The following HAPLN3 variants were observed in gnomAD, a reference collection of about 807,000 sequenced individuals.
HAPLN3 encodes the protein hyaluronan and proteoglycan link protein 3.
A neutral mutation model predicts 28.1 loss-of-function variants in HAPLN3; 28 were observed. The observed-to-expected ratio is 1.00, with a 90% confidence interval of 0.74 to 1.37. The LOEUF (loss-of-function observed/expected upper bound fraction) is 1.37. Among genes scored for constraint, HAPLN3 ranks in the 40% most tolerant of loss-of-function variants. The probability of loss-of-function intolerance (pLI) is 0.00; values close to 1 mark genes in which losing one functional copy is unlikely to be tolerated. For missense variants in HAPLN3, 513 were observed against 504.6 expected, an observed-to-expected ratio of 1.02 and a Z score of -0.16; for synonymous variants, 211 against 213.1, an observed-to-expected ratio of 0.99 and a Z score of 0.09.
rs1052369618 is a variant in HAPLN3 at position 88,881,162 on chromosome 15, G to A, written c.493+195C>T. The stretch of plus-strand genomic sequence containing the variant: ...GTCGTTTACAAGCTGTGTGACCTTA[G>A]GTAAGTTACTTGACCTCTCTGTGCC... On this transcript the variant is annotated intron_variant, in intron 3 of 4. Transcript: ENST00000359595. This position sits in a 1 kb window ranked among gnomAD's most constrained non-coding sequence, Gnocchi z 6.0. The A allele has an allele frequency of 3.0e-6, 2 of 672,336 alleles. No individual in the cohort carries two copies. Among genetic ancestry groups the A allele is most frequent in the African/African-American group, 3.6e-5 (2 of 55,102 alleles). The allele number at this position is 672,336 out of a possible 1,614,324, so 41.6% of individuals were successfully genotyped here. A position where few individuals can be genotyped will look rare whatever the true frequency, so the allele number is the denominator to read the frequency against.
At position 88,881,958 on chromosome 15, in the gene HAPLN3, C is replaced by T. The variant is rs189042716; in HGVS notation, c.125-233G>A. On this transcript the variant is annotated intron_variant, in intron 2 of 4. Transcript: ENST00000359595. The surrounding 1 kb of genome is among the most constrained non-coding windows in gnomAD (Gnocchi z 6.0). ...GAATCTGTGCTGGCCTTGCCACTTG[C>T]TTGACCAACTGAATGCCTTGGAAGT... Among the ~76,000 whole-genome samples, 1 of 152,320 alleles carries T rather than the reference C, an allele frequency of 6.6e-6. No homozygotes were observed. Among genetic ancestry groups the T allele is most frequent in the Non-Finnish European group, 1.5e-5 (1 of 68,024 alleles).
In HAPLN3 at chr15:88,877,967, G is replaced by A. The variant is rs367755028; in HGVS notation, c.*3C>T. On this transcript the variant is annotated 3_prime_UTR_variant, in exon 5 of 5. Coordinates refer to ENST00000359595, the MANE Select transcript of HAPLN3 (RefSeq NM_178232.4). This position sits in a 1 kb window ranked among gnomAD's most constrained non-coding sequence, Gnocchi z 5.1. ...GGAATGCGGCAGGGGAGGGCCCCAGGTCCTAGTGCTGGCGGTAGCAGTAAA... is the reference window on the plus strand; with the variant it reads ...GGAATGCGGCAGGGGAGGGCCCCAGATCCTAGTGCTGGCGGTAGCAGTAAA... 1 of 1,592,884 alleles carries A rather than the reference G, an allele frequency of 6.3e-7. No individual in the cohort carries two copies. The highest frequency in any genetic ancestry group is 1.3e-5 in the African/African-American group (1 of 74,222).
In HAPLN3 at chr15:88,878,496, T is replaced by G. The variant is rs373892527; in HGVS notation, c.797-240A>C. On this transcript the variant is annotated intron_variant, in intron 4 of 4. Transcript: ENST00000359595. ...CCCCCACCACCCTTCCCTATTTAGG[T>G]GGGTGGGCACCCCACCTAGGCTGGA... is the stretch of plus-strand genomic sequence containing the variant. Among the ~76,000 whole-genome samples the G allele has an allele frequency of 4.4e-4, 67 of 152,340 alleles. No homozygotes were observed. The East Asian group carries it at 9.3e-3, about 21-fold the overall frequency.
intron 1 of HAPLN3, among the ~76,000 whole-genome samples, chr15:88,887,735 G>T (rs1182723589): frequency 1.3e-5 from 2 of 152,092 alleles, no homozygotes; most frequent in African/African-American, 4.8e-5. Context: ...AGGCTGAGGC[G>T]GGCGGATCAC....
chr15:88,883,094 C>T (rs907622807), intron 2 of HAPLN3, among the ~76,000 whole-genome samples: 23 of 152,186 alleles, frequency 1.5e-4, no homozygotes, highest in African/African-American at 4.8e-4. Flanking sequence ...CAGGGAGGTT[C>T]CCTGTAGAGG....
chr15:88,879,185 G>T lies in HAPLN3; in HGVS notation c.578C>A (p.Ala193Glu), dbSNP rs764095491. 2 of 1,613,620 alleles carry T rather than the reference G, an allele frequency of 1.2e-6. No individual in the cohort carries two copies. Among genetic ancestry groups the T allele is most frequent in the East Asian group, 2.2e-5 (1 of 44,892 alleles). The change falls in exon 4 of 5, where the codon GCG (alanine) becomes GAG (glutamate). Residue 193 changes from alanine (A) to glutamate (E), a missense_variant. Coordinates refer to ENST00000359595, the MANE Select transcript of HAPLN3 (RefSeq NM_178232.4). This position sits in a 1 kb window ranked among gnomAD's most constrained non-coding sequence, Gnocchi z 5.0. ...GAGCTGCTCAAAGGAGGCCACCACC[G>T]CAGCCTGCTCTGCACAGACCTGCTG... The part of the protein sequence containing the change: ...EGQQVCAEQA[A>E]VVASFEQLFR...
rs1156580413 is a variant in HAPLN3, at chr15:88,895,518, A to G, written c.-107T>C. On this transcript the variant is annotated 5_prime_UTR_variant, in exon 1 of 5. Coordinates refer to ENST00000359595, the MANE Select transcript of HAPLN3 (RefSeq NM_178232.4). The surrounding 1 kb of genome is among the most constrained non-coding windows in gnomAD (Gnocchi z 5.5). Reference sequence around the variant, plus strand: ...CGGGGGCCGCGAGCTGTCCCGGTCCAAGGCAGCAGTCTGATTTCGGGGAAA... The same window carrying G: ...CGGGGGCCGCGAGCTGTCCCGGTCCGAGGCAGCAGTCTGATTTCGGGGAAA... 6.6e-6 allele frequency: 1 copy of G among 152,376 alleles called. No individual in the cohort carries two copies. Among genetic ancestry groups the G allele is most frequent in the Non-Finnish European group, 1.5e-5 (1 of 68,182 alleles). The allele number at this position is 152,376 out of a possible 1,614,324, so 9.4% of individuals were successfully genotyped here.
chr15:88,881,534 C>T lies in HAPLN3; in HGVS notation c.316G>A (p.Gly106Arg), dbSNP rs140982817. 3.7e-3 allele frequency: 6,013 copies of T among 1,614,094 alleles called. 17 individuals carry two copies. The highest frequency in any genetic ancestry group is 4.4e-3 in the Non-Finnish European group (5,247 of 1,180,034). Residue 106 changes from glycine to arginine, a missense_variant, in exon 3 of 5, where the codon GGG becomes AGG. Gly to Arg is a moderately radical substitution (Grantham distance 125). Transcript: ENST00000359595. This position sits in a 1 kb window ranked among gnomAD's most constrained non-coding sequence, Gnocchi z 6.0. ...TCCCCAAAGGAGCGGTGCCTCAGCC[C>T]GATGGCCACCAGCACGTCCTTCTCT... ...APEKDVLVAIGLRHRSFGDYQ... is the reference protein window; with the variant it reads ...APEKDVLVAIRLRHRSFGDYQ...
Position 88,880,682 on chromosome 15 carries a change from G to A in HAPLN3, c.493+675C>T, listed in dbSNP as rs1897672555. 9.2e-7 allele frequency: 1 copy of A among 1,085,654 alleles called. No homozygotes were observed. Among genetic ancestry groups the A allele is most frequent in the South Asian group, 1.3e-5 (1 of 74,390 alleles). The allele number at this position is 1,085,654 out of a possible 1,614,324, so 67.3% of individuals were successfully genotyped here. On this transcript the variant is annotated intron_variant, in intron 3 of 4. Coordinates refer to ENST00000359595, the MANE Select transcript of HAPLN3 (RefSeq NM_178232.4). This position sits in a 1 kb window ranked among gnomAD's most constrained non-coding sequence, Gnocchi z 6.0. ...CCACATACAAGATCCGGCTTGCAGG[G>A]TGTGGCTGGTTTGGACAGCACTGGG... is the stretch of plus-strand genomic sequence containing the variant.
chr15:88,890,663 C>T (rs55687277), intron 1 of HAPLN3, among the ~76,000 whole-genome samples: 4,076 of 152,240 alleles, frequency 0.027, 177 homozygotes, highest in African/African-American at 0.09. Context: ...GCAGAAATAA[C>T]ATGCCACATC....
At chr15:88,884,770 C>CAAGT (rs1210417685) in intron 2 of HAPLN3, among the ~76,000 whole-genome samples, 1 of 151,828 alleles carries the variant, frequency 6.6e-6, no homozygotes, top group Non-Finnish European at 1.5e-5. Flanking sequence ...TGCAAATGCG[C>CAAGT]AAGTACCTGT....
Position 88,878,402 on chromosome 15 carries a change from T to C in HAPLN3, c.797-146A>G, listed in dbSNP as rs1182998054. 3.4e-5 allele frequency: 25 copies of C among 738,316 alleles called. 1 individual carries two copies. The highest frequency in any genetic ancestry group is 3.8e-4 in the Middle Eastern group (1 of 2,598). The allele number at this position is 738,316 out of a possible 1,614,324, so 45.7% of individuals were successfully genotyped here. ...CATCTGCAGAGAACACTTTCTAATC[T>C]TCACCCTGTCCCAGAGAGCTCTGTC... is the stretch of plus-strand genomic sequence containing the variant. On this transcript the variant is annotated intron_variant, in intron 4 of 4. Transcript: ENST00000359595.
In HAPLN3 at chr15:88,878,265, A is replaced by G. The variant is rs1414693308; in HGVS notation, c.797-9T>C. On this transcript the variant is annotated splice_polypyrimidine_tract_variant and intron_variant, in intron 4 of 4. Transcript: ENST00000359595. ...CAGGTAGTACACCCGCCCTGGGGGA[A>G]AGGGGGCGTGAGTGCCGTACAGCGC... is the stretch of plus-strand genomic sequence containing the variant. 6.2e-7 allele frequency: 1 copy of G among 1,606,468 alleles called. No homozygotes were observed. Among genetic ancestry groups the G allele is most frequent in the Non-Finnish European group, 8.5e-7 (1 of 1,175,792 alleles).
intron 2 of HAPLN3, among the ~76,000 whole-genome samples, chr15:88,882,383 G>A (rs187399628): frequency 2.6e-5 from 4 of 152,342 alleles, no homozygotes; most frequent in African/African-American, 9.6e-5. Context: ...TACATGGCCA[G>A]GACAAGTGGC....
intron 1 of HAPLN3, among the ~76,000 whole-genome samples, chr15:88,893,489 G>A (rs1452398766): frequency 1.3e-5 from 2 of 152,116 alleles, no homozygotes; most frequent in East Asian, 3.9e-4. Flanking sequence ...TGCAGCAGGT[G>A]CTCAACAAAT....
At chr15:88,878,918 C>G in intron 4 of HAPLN3, 49 bp downstream of exon 4, 1 of 1,532,680 alleles carries the variant, frequency 6.5e-7, no homozygotes, top group Non-Finnish European at 8.8e-7. Context: ...TCTCACAGGT[C>G]CCAGGTGGCC....
rs74819608 is a variant in HAPLN3, at chr15:88,881,466, G to A, written c.384C>T (p.Asp128=). The A allele has an allele frequency of 2.2e-3, 3,626 of 1,613,996 alleles. 77 individuals are homozygous for A. The African/African-American group carries it at 0.042, about 19-fold the overall frequency. ...GCAGATCCTGGATCTCCAGCGAGAC[G>A]TCATGCTCTTTGTCCTGCCGCAGGT... The part of the protein sequence containing the change: ...RVHLRQDKEH[D]VSLEIQDLRL... Residue 128 remains aspartate (D), a synonymous_variant, in exon 3 of 5, where the codon GAC becomes GAT. Coordinates refer to ENST00000359595, the MANE Select transcript of HAPLN3 (RefSeq NM_178232.4). The surrounding 1 kb of genome is among the most constrained non-coding windows in gnomAD (Gnocchi z 6.0).
At chr15:88,892,553 C>A (rs1179117631) in intron 1 of HAPLN3, among the ~76,000 whole-genome samples, 1 of 152,102 alleles carries the variant, frequency 6.6e-6, no homozygotes, top group African/African-American at 2.4e-5. Flanking sequence ...ATTTTCCAGG[C>A]CTCTCTGAGA....
rs1478860904 is a variant in HAPLN3 at position 88,887,331 on chromosome 15, G to A, written c.-33C>T. 3.7e-6 allele frequency: 6 copies of A among 1,612,396 alleles called. No individual in the cohort carries two copies. The South Asian group carries it at 4.4e-5, about 12-fold the overall frequency. On this transcript the variant is annotated 5_prime_UTR_variant, in exon 2 of 5. Coordinates refer to ENST00000359595, the MANE Select transcript of HAPLN3 (RefSeq NM_178232.4). ...TGCCAGGGTGACCCGGGCCAGGCTG[G>A]GGCCCCAGGGCAAACTGGGAAGGGG...
Sources: allele counts gnomAD v4.1 joint callset (sites outside exome capture counted in the v4.1 genomes callset), GRCh38; gene constraint gnomAD v4.1.1; non-coding constraint Gnocchi (gnomAD v3.1); transcripts MANE v1.5; gene names NCBI Gene and HGNC (gene_info 2026-07-23, HGNC 2026-07-21).